The following TBC1D21 variants were observed in gnomAD, a reference collection of about 807,000 sequenced individuals.
The protein encoded by TBC1D21 is TBC1 domain family member 21.
A neutral mutation model predicts 46.0 loss-of-function variants in TBC1D21; 38 were observed. The observed-to-expected ratio is 0.83, with a 90% CI of 0.64 to 1.08. TBC1D21 has a LOEUF of 1.08. Ranked by LOEUF, TBC1D21 falls within the 50% of genes least tolerant of loss-of-function variation. The pLI, the probability that TBC1D21 is intolerant of heterozygous loss-of-function variation, is 0.00. For synonymous variants in TBC1D21, 151 were observed against 157.2 expected, an observed-to-expected ratio of 0.96 and a Z score of 0.29; for missense variants, 415 against 417.9, an observed-to-expected ratio of 0.99 and a Z score of 0.06.
At position 73,873,874 on chromosome 15, in the gene TBC1D21, A is replaced by G. The variant is rs965030526; in HGVS notation, c.60+105A>G. 7 of 1,357,144 alleles carry G rather than the reference A, an allele frequency of 5.2e-6. No individual in the cohort carries two copies. In the Admixed American group the frequency reaches 1.2e-4, roughly 23 times the overall value. 84.1% of individuals were successfully genotyped at this position (1,357,144 alleles called of 1,614,324 possible). On this transcript the variant is annotated intron_variant, in intron 1 of 10. Coordinates refer to ENST00000300504, the MANE Select transcript of TBC1D21 (RefSeq NM_153356.3). Reference sequence around the variant, plus strand: ...GGAAAAGCTAGAACCCTGAGCTAACATAGAAGGTGGAGCAAGGGCGGTTGT... The same window carrying G: ...GGAAAAGCTAGAACCCTGAGCTAACGTAGAAGGTGGAGCAAGGGCGGTTGT...
At chr15:73,885,994 AG>A in intron 6 of TBC1D21, 83 bp from the exon 7 acceptor site, 2 of 1,134,996 alleles carry the variant, frequency 1.8e-6, no homozygotes, top group South Asian at 2.7e-5. Context: ...AGCCTCCAGA[AG>A]TGAAGCTGGG....
At chr15:73,899,528 G>A in the TBC1D21 span, among the ~76,000 whole-genome samples, 1 of 152,152 alleles carries the variant, frequency 6.6e-6, no homozygotes, top group Non-Finnish European at 1.5e-5. Context: ...TTTAGATAGT[G>A]GAAAGGAGAG....
intron 1 of TBC1D21, among the ~76,000 whole-genome samples, chr15:73,875,257 AAAAAG>A (rs2068038716): frequency 1.3e-5 from 2 of 149,514 alleles, no homozygotes; most frequent in African/African-American, 2.5e-5. Flanking sequence ...AAAAAAAAAA[AAAAAG>A]AAGAAGAAGA....
intron 4 of TBC1D21, 32 bp from the exon 5 acceptor site, chr15:73,884,749 T>G: frequency 6.6e-7 from 1 of 1,518,434 alleles, no homozygotes; most frequent in Non-Finnish European, 9.1e-7. Flanking sequence ...TGTGATCTGG[T>G]GCCACCTACT....
At chr15:73,907,237 C>G in the TBC1D21 span, among the ~76,000 whole-genome samples, 2 of 152,268 alleles carry the variant, frequency 1.3e-5, no homozygotes, top group Admixed American at 1.3e-4. Flanking sequence ...TTCTTTGACT[C>G]GTAGAAATCA....
chr15:73,887,313 A>T (rs983001141), intron 8 of TBC1D21, among the ~76,000 whole-genome samples: 1 of 152,114 alleles, frequency 6.6e-6, no homozygotes, highest in African/African-American at 2.4e-5. Context: ...CAAATTCGAC[A>T]GTTTCCTAGT....
the TBC1D21 span, among the ~76,000 whole-genome samples, chr15:73,895,873 C>T: frequency 3.9e-5 from 6 of 152,146 alleles, no homozygotes; most frequent in Non-Finnish European, 7.3e-5. Context: ...GTCAGCCAGG[C>T]AGGATATTCT....
In TBC1D21 at chr15:73,886,553, T is replaced by A. The variant is rs1299910360; in HGVS notation, c.718T>A (p.Phe240Ile). The stretch of plus-strand genomic sequence containing the variant: ...GGCTGTGCAGTCCCTCTTCCCCTGG[T>A]TCTGCTTCTGCTTCCAGCGTGCCTT... ...AGAVQSLFPW[F>I]CFCFQRAFKS... The change falls in exon 8 of 11, where the codon TTC (phenylalanine) becomes ATC (isoleucine). Residue 240 changes from phenylalanine (F) to isoleucine (I), a missense_variant. By Grantham distance (21) the Phe-to-Ile change is conservative. Transcript: ENST00000300504. The A allele has an allele frequency of 1.2e-6, 2 of 1,613,604 alleles. No individual in the cohort carries two copies. Among genetic ancestry groups the A allele is most frequent in the African/African-American group, 1.3e-5 (1 of 74,914 alleles).
intron 4 of TBC1D21, 138 bp from the exon 5 acceptor site, chr15:73,884,643 G>A: frequency 1.6e-6 from 1 of 644,960 alleles, no homozygotes; most frequent in Non-Finnish European, 2.7e-6. Context: ...AGCCTGGCAG[G>A]GGCTGATGTA....
rs2068292112 is a variant in TBC1D21 at position 73,888,519 on chromosome 15, T to C, written c.978+6T>C. 1 of 1,612,946 alleles carries C rather than the reference T, an allele frequency of 6.2e-7. No homozygotes were observed. Among genetic ancestry groups the C allele is most frequent in the African/African-American group, 1.3e-5 (1 of 74,684 alleles). On this transcript the variant is annotated splice_donor_region_variant and intron_variant, in intron 10 of 10. Transcript: ENST00000300504. ...CTGAGCTCATCCAGAAGGATGTAAG[T>C]TGCCCCAATGATGTGTCCTCCTCCT...
At chr15:73,904,053 A>AT in the TBC1D21 span, among the ~76,000 whole-genome samples, 30 of 151,438 alleles carry the variant, frequency 2.0e-4, no homozygotes, top group Admixed American at 9.2e-4. Context: ...GTCTCAAAAA[A>AT]ATATATATAT....
In TBC1D21 at chr15:73,886,109, C is replaced by T. The variant is rs2068241040; in HGVS notation, c.611C>T (p.Ala204Val). 6.2e-7 allele frequency: 1 copy of T among 1,614,072 alleles called. No individual in the cohort carries two copies. Among genetic ancestry groups the T allele is most frequent in the African/African-American group, 1.3e-5 (1 of 74,922 alleles). ...AGCTGTGTCATCAACATTGGCGTGG[C>T]CAAGAACCTAGACATGCTCAGCACC... is the stretch of plus-strand genomic sequence containing the variant. ...EHSCVINIGVAKNLDMLSTLI... is the reference protein window; with the variant it reads ...EHSCVINIGVVKNLDMLSTLI... The change falls in exon 7 of 11, where the codon GCC (alanine) becomes GTC (valine). Residue 204 changes from alanine to valine, a missense_variant. Physicochemically the swap from Ala to Val is moderately conservative, Grantham distance 64 (BLOSUM62 0). Transcript: ENST00000300504.
the TBC1D21 span, among the ~76,000 whole-genome samples, chr15:73,896,318 G>A: frequency 1.5e-5 from 1 of 68,926 alleles, no homozygotes; most frequent in African/African-American, 4.0e-5. Flanking sequence ...TGGAAGTCAT[G>A]GCGAGGAGGA....
chr15:73,886,395 C>A, intron 7 of TBC1D21, 117 bp from the exon 8 acceptor site: 1 of 1,014,954 alleles, frequency 9.9e-7, no homozygotes, highest in Non-Finnish European at 1.5e-6. Context: ...AAAGGGGCGG[C>A]AGGCTTTTTG....
chr15:73,880,191 G>T (rs2068129172), intron 1 of TBC1D21, among the ~76,000 whole-genome samples: 1 of 151,966 alleles, frequency 6.6e-6, no homozygotes, highest in East Asian at 1.9e-4. Context: ...CACTGCACCT[G>T]ACCCTAGTTA....
At chr15:73,889,771 A>G (rs192697785), downstream of TBC1D21, among the ~76,000 whole-genome samples, 132 of 152,356 alleles carry the variant, frequency 8.7e-4, no homozygotes, top group African/African-American at 3.1e-3. Context: ...GTCTTGATCA[A>G]TCTTTCTTGA....
chr15:73,889,999 A>C (rs1323150692), downstream of TBC1D21, among the ~76,000 whole-genome samples: 2 of 152,154 alleles, frequency 1.3e-5, no homozygotes, highest in Non-Finnish European at 2.9e-5. Context: ...GCTCAGCAAC[A>C]CACATACATA....
downstream of TBC1D21, among the ~76,000 whole-genome samples, chr15:73,890,604 A>G (rs994210542): frequency 1.3e-5 from 2 of 152,256 alleles, no homozygotes; most frequent in African/African-American, 2.4e-5. Context: ...GGCCTTGGGA[A>G]GAGAACAATC....
chr15:73,906,173 A>G, the TBC1D21 span, among the ~76,000 whole-genome samples: 1 of 152,118 alleles, frequency 6.6e-6, no homozygotes, highest in Non-Finnish European at 1.5e-5. Flanking sequence ...GTCTCCATAA[A>G]TTTATACTCT....
Sources: allele counts gnomAD v4.1 joint callset (sites outside exome capture counted in the v4.1 genomes callset), GRCh38; gene constraint gnomAD v4.1.1; transcripts MANE v1.5; gene names NCBI Gene and HGNC (gene_info 2026-07-23, HGNC 2026-07-21).